The following CCDC47 variants were observed in gnomAD, a reference collection of about 807,000 sequenced individuals.
The protein encoded by CCDC47 is coiled-coil domain containing 47.
Under a neutral mutation model 60.5 loss-of-function variants are expected in CCDC47, and 41 were observed. The ratio of observed to expected loss-of-function variants is 0.68; its 90% CI spans 0.53 to 0.88. The LOEUF (loss-of-function observed/expected upper bound fraction) is 0.88, where lower values mean the gene tolerates loss of function less well. CCDC47 is among the 40% of genes least tolerant of loss of function. The pLI is 0.00. For synonymous variants in CCDC47, 195 were observed against 190.7 expected, an observed-to-expected ratio of 1.02 and a Z score of -0.18; for missense variants, 513 against 580.9, an observed-to-expected ratio of 0.88 and a Z score of 1.20.
rs575550044 is a variant in CCDC47 at position 63,764,536 on chromosome 17, T to C, written c.372+204A>G. Among the ~76,000 whole-genome samples the C allele has an allele frequency of 1.7e-4, 26 of 152,114 alleles. No individual in the cohort carries two copies. In the South Asian group the frequency reaches 5.4e-3, roughly 32 times the overall value. On this transcript the variant is annotated intron_variant, in intron 3 of 12. Transcript: ENST00000225726. ...AGTAAAACTAGAAGTGCTACAATGA[T>C]GAATAGGGGTTGCTTCTGTAGGTGT...
chr17:63,766,095 A>G lies in CCDC47; in HGVS notation c.81T>C (p.Asp27=), dbSNP rs2039296090. 1.2e-6 allele frequency: 2 copies of G among 1,614,078 alleles called. No homozygotes were observed. The highest frequency in any genetic ancestry group is 1.7e-6 in the Non-Finnish European group (2 of 1,179,996). Residue 27 remains aspartate (D), a synonymous_variant, in exon 2 of 13, where the codon GAT becomes GAC. Coordinates refer to ENST00000225726, the MANE Select transcript of CCDC47 (RefSeq NM_020198.3). ...VSEAKFDDFE[D]EEDIVEYDDN... is the part of the protein sequence containing the mutation. ...CATCATACTCTACTATGTCCTCCTCATCCTCAAAATCATCAAACTTGGCTT... is the reference window on the plus strand; with the variant it reads ...CATCATACTCTACTATGTCCTCCTCGTCCTCAAAATCATCAAACTTGGCTT...
chr17:63,767,096 T>C, intron 1 of CCDC47: 1 of 181,802 alleles, frequency 5.5e-6, no homozygotes. Context: ...ATAAGGAAAA[T>C]GGGGCAGAGA....
chr17:63,748,165 T>G (rs2039134544), intron 12 of CCDC47, among the ~76,000 whole-genome samples: 1 of 151,960 alleles, frequency 6.6e-6, no homozygotes, highest in Admixed American at 6.6e-5. Context: ...AGGTTTTTTT[T>G]TTTGTTTGTG....
At chr17:63,761,082 G>C in intron 5 of CCDC47, 103 bp from the exon 6 acceptor site, 1 of 1,377,876 alleles carries the variant, frequency 7.3e-7, no homozygotes, top group South Asian at 1.2e-5. Context: ...TATACTTTAC[G>C]ACACATTTGC....
chr17:63,767,717 A>T (rs572172647), intron 1 of CCDC47, among the ~76,000 whole-genome samples: 11 of 151,966 alleles, frequency 7.2e-5, no homozygotes, highest in Middle Eastern at 3.4e-3. Context: ...TTCTTTTTTT[A>T]AAAAAAACTT....
chr17:63,750,313 C>A (rs2039153149), intron 12 of CCDC47, among the ~76,000 whole-genome samples: 1 of 152,124 alleles, frequency 6.6e-6, no homozygotes, highest in Non-Finnish European at 1.5e-5. Flanking sequence ...AAGAAGACTG[C>A]ATAAACACAG....
At chr17:63,751,853 C>T in intron 12 of CCDC47, 87 bp downstream of exon 12, 3 of 1,418,422 alleles carry the variant, frequency 2.1e-6, no homozygotes, top group South Asian at 1.1e-5. Flanking sequence ...AAACTTTTAG[C>T]CTACAAAGAT....
chr17:63,751,808 A>T, intron 12 of CCDC47, 132 bp downstream of exon 12: 2 of 770,882 alleles, frequency 2.6e-6, no homozygotes, highest in Non-Finnish European at 2.2e-6. Context: ...TAGTGTTATC[A>T]ATTGATACAA....
Position 63,753,254 on chromosome 17 carries a change from T to C in CCDC47, c.1035-455A>G, listed in dbSNP as rs1018004997. The C allele has an allele frequency of 1.1e-5, 10 of 903,776 alleles. No individual in the cohort carries two copies. In the African/African-American group the frequency reaches 1.4e-4, roughly 13 times the overall value. 56.0% of individuals were successfully genotyped at this position (903,776 alleles called of 1,614,324 possible). A position where few individuals can be genotyped will look rare whatever the true frequency, so the allele number is the denominator to read the frequency against. On this transcript the variant is annotated intron_variant, in intron 9 of 12. Transcript: ENST00000225726. Reference sequence around the variant, plus strand: ...TTTAGGGATAATCTACTACAGCATATATAATTTAGTTCTGTCATTGAAGAT... The same window carrying C: ...TTTAGGGATAATCTACTACAGCATACATAATTTAGTTCTGTCATTGAAGAT...
rs1267227736 is a variant in CCDC47, at chr17:63,752,126, T to C, written c.1204-19A>G. 1 of 1,609,768 alleles carries C rather than the reference T, an allele frequency of 6.2e-7. No homozygotes were observed. The highest frequency in any genetic ancestry group is 8.5e-7 in the Non-Finnish European group (1 of 1,177,716). ...GTTTGCCCTTCCCCAAGAAACAAAGTATTTCATAAGAAATCCATTTCTAGT... is the reference window on the plus strand; with the variant it reads ...GTTTGCCCTTCCCCAAGAAACAAAGCATTTCATAAGAAATCCATTTCTAGT... On this transcript the variant is annotated intron_variant, in intron 11 of 12. Transcript: ENST00000225726.
chr17:63,764,149 T>C lies in CCDC47; in HGVS notation c.414A>G (p.Leu138=). 1.9e-6 allele frequency: 3 copies of C among 1,611,900 alleles called. 1 individual carries two copies. The highest frequency in any genetic ancestry group is 3.3e-4 in the Middle Eastern group (2 of 6,054). Residue 138 remains leucine, a synonymous_variant, in exon 4 of 13, where the codon CTA becomes CTG. Transcript: ENST00000225726. ...HLQNSWESYY[L]EILMVTGLLA... ...GCAGACCAGTCACCATCAAAATTTC[T>C]AGATAATAACTCTCCCAGCTGTTCT...
At chr17:63,752,888 T>C (rs2039178197) in intron 9 of CCDC47, 89 bp from the exon 10 acceptor site, 2 of 1,520,468 alleles carry the variant, frequency 1.3e-6, no homozygotes, top group Non-Finnish European at 1.8e-6. Flanking sequence ...GATGAACAGA[T>C]ACCTGCACAT....
rs2039189947 is a variant in CCDC47, at chr17:63,754,435, T to C, written c.1032A>G (p.Gln344=). Residue 344 remains glutamine (Q), a splice_region_variant and synonymous_variant, in exon 9 of 13, where the codon CAA becomes CAG. Coordinates refer to ENST00000225726, the MANE Select transcript of CCDC47 (RefSeq NM_020198.3). ...SDQFSGPKIM[Q]EEGQPLKLPD... is the part of the protein sequence containing the mutation. ...CAACAATTTTATCTTATACGTACTCTTGCATAATTTTTGGACCAGAGAACT... is the reference window on the plus strand; with the variant it reads ...CAACAATTTTATCTTATACGTACTCCTGCATAATTTTTGGACCAGAGAACT... 2 of 1,575,806 alleles carry C rather than the reference T, an allele frequency of 1.3e-6. No homozygotes were observed. The highest frequency in any genetic ancestry group is 3.4e-5 in the Admixed American group (2 of 59,404).
chr17:63,766,025 T>C lies in CCDC47; in HGVS notation c.151A>G (p.Thr51Ala). 1 of 1,614,106 alleles carries C rather than the reference T, an allele frequency of 6.2e-7. No homozygotes were observed. Among genetic ancestry groups the C allele is most frequent in the Non-Finnish European group, 8.5e-7 (1 of 1,180,004 alleles). The change falls in exon 2 of 13, where the codon ACT becomes GCT. Residue 51 changes from threonine (T) to alanine (A), a missense_variant. Coordinates refer to ENST00000225726, the MANE Select transcript of CCDC47 (RefSeq NM_020198.3). ...ATTATGACCCGTTGAGGAGATTCAG[T>C]AACAGAGTCTTCCATGACATCCTCA... Reference protein sequence around the residue: ...EFEDVMEDSVTESPQRVIITE... With the variant: ...EFEDVMEDSVAESPQRVIITE...
Position 63,751,947 on chromosome 17 carries a change from C to T in CCDC47, c.1364G>A (p.Arg455Lys). ...GTGATAAGTTTGTCTAACCTCCAGC[C>T]TGCGCTGTTTCTCAGGATCTTCCTC... ...MNEEDPEKQR[R>K]LEEAALRREQ... is the part of the protein sequence containing the mutation. Residue 455 changes from arginine (R) to lysine (K), a missense_variant, in exon 12 of 13, where the codon AGG becomes AAG. By Grantham distance (26) the Arg-to-Lys change is conservative (BLOSUM62 2). Coordinates refer to ENST00000225726, the MANE Select transcript of CCDC47 (RefSeq NM_020198.3). 3.7e-6 allele frequency: 6 copies of T among 1,613,762 alleles called. No homozygotes were observed. Among genetic ancestry groups the T allele is most frequent in the South Asian group, 2.2e-5 (2 of 91,062 alleles).
In CCDC47 at chr17:63,756,589, A is replaced by C; in HGVS notation, c.736-19T>G. 1.3e-6 allele frequency: 2 copies of C among 1,572,124 alleles called. No individual in the cohort carries two copies. The highest frequency in any genetic ancestry group is 1.1e-5 in the South Asian group (1 of 89,614). On this transcript the variant is annotated intron_variant, in intron 6 of 12. Coordinates refer to ENST00000225726, the MANE Select transcript of CCDC47 (RefSeq NM_020198.3). Reference sequence around the variant, plus strand: ...TTATTTGCTTTTAAAAAAATGTAAAAAACAACAAAATTCACCTGTTAGGTT... The same window carrying C: ...TTATTTGCTTTTAAAAAAATGTAAACAACAACAAAATTCACCTGTTAGGTT...
At chr17:63,757,617 G>C (rs2039217562) in intron 6 of CCDC47, among the ~76,000 whole-genome samples, 2 of 152,100 alleles carry the variant, frequency 1.3e-5, no homozygotes, top group Admixed American at 1.3e-4. Context: ...TGGGTAATTT[G>C]CTATGTAGTA....
At chr17:63,767,219 G>A (rs929943756) in intron 1 of CCDC47, among the ~76,000 whole-genome samples, 17 of 152,140 alleles carry the variant, frequency 1.1e-4, no homozygotes, top group South Asian at 4.1e-4. Flanking sequence ...AAATGTGGTA[G>A]GTGGCTGTGC....
intron 1 of CCDC47, among the ~76,000 whole-genome samples, chr17:63,771,138 G>A (rs373154422): frequency 6.6e-6 from 1 of 151,626 alleles, no homozygotes; most frequent in Non-Finnish European, 1.5e-5. Context: ...TAAAGGATAG[G>A]CCAACGGTAC....
Sources: gnomAD v4.1 joint callset for allele counts (sites outside exome capture counted in the v4.1 genomes callset) on GRCh38, gnomAD v4.1.1 for gene constraint, MANE v1.5 for transcripts, NCBI Gene and HGNC (gene_info 2026-07-23, HGNC 2026-07-21) for gene names.